The following DCDC1 variants were observed in gnomAD, a reference collection of about 807,000 sequenced individuals.
DCDC1 encodes the protein doublecortin domain containing 1.
In DCDC1, 200 loss-of-function variants were observed where a neutral mutation model predicts 178.3. The ratio of observed to expected loss-of-function variants is 1.12; its 90% confidence interval spans 1.00 to 1.26. The LOEUF (loss-of-function observed/expected upper bound fraction) is 1.26. Among genes scored for constraint, DCDC1 ranks in the 50% most tolerant of loss-of-function variants. The pLI, the probability that DCDC1 is intolerant of heterozygous loss-of-function variation, is 0.00. For synonymous variants in DCDC1, 690 were observed against 604.8 expected, an observed-to-expected ratio of 1.14 and a Z score of -2.07; for missense variants, 1,983 against 1,749.2, an observed-to-expected ratio of 1.13 and a Z score of -2.38.
At chr11:31,211,592 A>C (rs566864969) in intron 9 of DCDC1, among the ~76,000 whole-genome samples, 1 of 152,302 alleles carries the variant, frequency 6.6e-6, no homozygotes, top group East Asian at 1.9e-4. Context: ...TTGTTCTTTA[A>C]TCGGAAAAAA....
At chr11:31,221,516 C>T (rs975158453) in intron 9 of DCDC1, among the ~76,000 whole-genome samples, 6 of 152,162 alleles carry the variant, frequency 3.9e-5, no homozygotes, top group Admixed American at 6.5e-5. Flanking sequence ...TTTGTCTCTC[C>T]GCCCCATCCA....
chr11:31,234,922 C>T (rs1976266387), intron 9 of DCDC1, among the ~76,000 whole-genome samples: 1 of 152,140 alleles, frequency 6.6e-6, no homozygotes, highest in South Asian at 2.1e-4. Context: ...ATTCTCATTT[C>T]AAAAGAGTCA....
intron 1 of DCDC1, among the ~76,000 whole-genome samples, chr11:31,345,340 T>C (rs1217422245): frequency 6.6e-6 from 1 of 152,218 alleles, no homozygotes; most frequent in African/African-American, 2.4e-5. Flanking sequence ...AAAATCTCTA[T>C]AGAATTCAGG....
chr11:31,271,173 T>TA (rs1945520763), intron 7 of DCDC1, among the ~76,000 whole-genome samples: 1 of 152,204 alleles, frequency 6.6e-6, no homozygotes, highest in African/African-American at 2.4e-5. Flanking sequence ...AGCCTCATCT[T>TA]ACTGCTATCA....
At chr11:31,328,024 C>T in intron 3 of DCDC1, 93 bp downstream of exon 3, 1 of 1,281,598 alleles carries the variant, frequency 7.8e-7, no homozygotes, top group Non-Finnish European at 1.0e-6. Context: ...GCCACCTGGC[C>T]CGGCCAAGAC....
chr11:31,291,656 AT>A (rs1274735797), intron 6 of DCDC1, among the ~76,000 whole-genome samples: 4 of 152,102 alleles, frequency 2.6e-5, no homozygotes, highest in African/African-American at 9.6e-5. Context: ...TGAGCTATTT[AT>A]TTGTGCATTC....
Position 31,211,800 on chromosome 11 carries a change from C to T in DCDC1, c.1221+29650G>A, listed in dbSNP as rs1020434066. Among the ~76,000 whole-genome samples the T allele has an allele frequency of 8.5e-5, 13 of 152,118 alleles. No homozygotes were observed. The East Asian group carries it at 1.2e-3, about 14-fold the overall frequency. On this transcript the variant is annotated intron_variant, in intron 9 of 38. Transcript: ENST00000684477. ...TACTGAGCTTTAAAAAAAAGCTAAG[C>T]AGCCGGGCGCAGTGGCTCACACCTG...
chr11:31,065,215 C>T lies in DCDC1; in HGVS notation c.2299-62G>A, dbSNP rs545506226. On this transcript the variant is annotated intron_variant, in intron 18 of 38. Coordinates refer to ENST00000684477, the MANE Select transcript of DCDC1 (RefSeq NM_001387274.1). Reference sequence around the variant, plus strand: ...TTATAAACAATAGCCAAAAATCCATCCAACTGGAAAGAGAGGAGGATAAAT... The same window carrying T: ...TTATAAACAATAGCCAAAAATCCATTCAACTGGAAAGAGAGGAGGATAAAT... 51 of 608,426 alleles carry T rather than the reference C, an allele frequency of 8.4e-5. 1 individual carries two copies. The South Asian group carries it at 1.1e-3, about 13-fold the overall frequency. The allele number at this position is 608,426 out of a possible 1,614,324, so 37.7% of individuals were successfully genotyped here.
intron 3 of DCDC1, among the ~76,000 whole-genome samples, chr11:31,311,907 C>A (rs1948791196): frequency 6.6e-6 from 1 of 152,170 alleles, no homozygotes; most frequent in African/African-American, 2.4e-5. Flanking sequence ...TCTTCTCTCA[C>A]TGCCTCTCTG....
In DCDC1 at chr11:30,978,779, A is replaced by AACACACAC. The variant is rs56058117; in HGVS notation, c.2592-26219_2592-26212dup. Among the ~76,000 whole-genome samples, 1,049 of 118,978 alleles carry AACACACAC rather than the reference A, an allele frequency of 8.8e-3. 14 individuals are homozygous for AACACACAC. The highest frequency in any genetic ancestry group is 0.027 in the African/African-American group (711 of 26,548). The allele number at this position is 118,978 out of a possible 152,430, so 78.1% of individuals were successfully genotyped here. A position where few individuals can be genotyped will look rare whatever the true frequency, so the allele number is the denominator to read the frequency against. On this transcript the variant is annotated intron_variant, in intron 20 of 38. Transcript: ENST00000684477. ...TTCTTCATCCTCCCAGTCCCCCCTCAACACACACACACACACACACACACA... is the reference window on the plus strand; with the variant it reads ...TTCTTCATCCTCCCAGTCCCCCCTCAACACACACACACACACACACACACACACACACA...
At chr11:31,118,302 A>G (rs530106082) in intron 11 of DCDC1, among the ~76,000 whole-genome samples, 1 of 152,178 alleles carries the variant, frequency 6.6e-6, no homozygotes, top group Admixed American at 6.5e-5. Flanking sequence ...ATCCTGAGAA[A>G]CTAAAAGCTG....
chr11:31,251,443 C>T (rs1362843608), intron 8 of DCDC1, among the ~76,000 whole-genome samples: 1 of 152,090 alleles, frequency 6.6e-6, no homozygotes, highest in African/African-American at 2.4e-5. Flanking sequence ...GGGCCTCATT[C>T]AATCAAATGA....
rs977886128 is a variant in DCDC1 at position 31,265,533 on chromosome 11, C to T, written c.1028G>A (p.Gly343Asp). The T allele has an allele frequency of 7.0e-7, 1 of 1,437,020 alleles. No individual in the cohort carries two copies. The highest frequency in any genetic ancestry group is 9.2e-7 in the Non-Finnish European group (1 of 1,087,602). 89.0% of individuals were successfully genotyped at this position (1,437,020 alleles called of 1,614,324 possible). A position where few individuals can be genotyped will look rare whatever the true frequency, so the allele number is the denominator to read the frequency against. The change falls in exon 8 of 39, where the codon GGC becomes GAC. Residue 343 changes from glycine to aspartate, a missense_variant. Physicochemically the swap from Gly to Asp is moderately conservative, Grantham distance 94. Coordinates refer to ENST00000684477, the MANE Select transcript of DCDC1 (RefSeq NM_001387274.1). ...TTTTGAAATATCTTCAATTTTTCTG[C>T]CATACAAATCATAAAAATATCTGGC... The part of the protein sequence containing the change: ...LPARYFYDLY[G>D]RKIEDISKVP...
chr11:31,077,997 G>T (rs1956963999), intron 17 of DCDC1, 72 bp from the exon 18 acceptor site: 1 of 738,270 alleles, frequency 1.4e-6, no homozygotes, highest in African/African-American at 1.7e-5. Flanking sequence ...TAAATAAAAT[G>T]ATCATTTTCC....
intron 25 of DCDC1, 129 bp downstream of exon 25, chr11:30,920,647 G>T: frequency 9.6e-7 from 1 of 1,045,002 alleles, no homozygotes; most frequent in Non-Finnish European, 1.4e-6. Flanking sequence ...TTAAATACTA[G>T]CTCTTCAGCT....
At chr11:31,228,355 T>C (rs1975289340) in intron 9 of DCDC1, among the ~76,000 whole-genome samples, 1 of 152,038 alleles carries the variant, frequency 6.6e-6, no homozygotes, top group South Asian at 2.1e-4. Flanking sequence ...CTTTAAAGTC[T>C]TTTGAATTAA....
intron 21 of DCDC1, among the ~76,000 whole-genome samples, chr11:30,951,777 T>C (rs1203099294): frequency 2.0e-5 from 3 of 151,828 alleles, no homozygotes; most frequent in Admixed American, 2.0e-4. Context: ...GGGGAAAATG[T>C]AATGAGAAAA....
intron 7 of DCDC1, among the ~76,000 whole-genome samples, chr11:31,274,556 C>G (rs746604106): frequency 6.6e-6 from 1 of 151,732 alleles, no homozygotes. Flanking sequence ...TGAAAAGGCT[C>G]CATGGCAGAG....
chr11:30,876,080 A>G (rs1942089511), intron 38 of DCDC1, among the ~76,000 whole-genome samples: 1 of 152,304 alleles, frequency 6.6e-6, no homozygotes, highest in East Asian at 1.9e-4. Context: ...TACACTGTTG[A>G]TTAACATCTG....
Sources: gnomAD v4.1 joint callset for allele counts (sites outside exome capture counted in the v4.1 genomes callset) on GRCh38, gnomAD v4.1.1 for gene constraint, MANE v1.5 for transcripts, NCBI Gene and HGNC (gene_info 2026-07-23, HGNC 2026-07-21) for gene names.